The following LMF1 variants were observed in gnomAD, a reference collection of about 807,000 sequenced individuals.
The protein encoded by LMF1 is transmembrane protein 112.
In LMF1, 68 loss-of-function variants were observed where a neutral mutation model predicts 60.6. The observed-to-expected ratio is 1.12, with a 90% CI of 0.92 to 1.37. The LOEUF (loss-of-function observed/expected upper bound fraction) is 1.37. Among genes scored for constraint, LMF1 ranks in the 40% most tolerant of loss-of-function variants. The probability of loss-of-function intolerance (pLI) is 0.00; values close to 1 mark genes in which losing one functional copy is unlikely to be tolerated. For synonymous variants in LMF1, 418 were observed against 324.7 expected (o/e 1.29, Z -3.09); for missense variants, 948 against 767.2 (o/e 1.24, Z -2.78).
chr16:863,000 A>C (rs749730677), intron 10 of LMF1, among the ~76,000 whole-genome samples: 2 of 152,200 alleles, frequency 1.3e-5, no homozygotes, highest in Non-Finnish European at 2.9e-5. Context: ...TGACAAATTC[A>C]ATTTCTAGTT....
At chr16:892,162 C>T (rs2070507175) in intron 5 of LMF1, among the ~76,000 whole-genome samples, 1 of 152,242 alleles carries the variant, frequency 6.6e-6, no homozygotes. Flanking sequence ...CGGTGAGTGC[C>T]AGAGCAACCC....
intron 10 of LMF1, among the ~76,000 whole-genome samples, chr16:868,655 T>G (rs1264131293): frequency 6.6e-6 from 1 of 151,880 alleles, no homozygotes; most frequent in East Asian, 1.9e-4. Flanking sequence ...AACAAAGCTG[T>G]GAGCCGGGGT....
intron 3 of LMF1, chr16:933,867 C>G (rs2071862487): frequency 1.1e-6 from 1 of 935,982 alleles, no homozygotes; most frequent in South Asian, 1.6e-5. Flanking sequence ...AAGTGCCCAC[C>G]AGCGTGAGTG....
In LMF1 at chr16:953,424, C is replaced by T. The variant is rs1237360018; in HGVS notation, c.503+933G>A. Among the ~76,000 whole-genome samples the T allele has an allele frequency of 1.3e-3, 78 of 61,070 alleles. 12 individuals carry two copies. The highest frequency in any genetic ancestry group is 2.0e-3 in the Non-Finnish European group (52 of 26,188). The allele number at this position is 61,070 out of a possible 152,430, so 40.1% of individuals were successfully genotyped here. On this transcript the variant is annotated intron_variant, in intron 2 of 10. Coordinates refer to ENST00000262301, the MANE Select transcript of LMF1 (RefSeq NM_022773.4). ...ACCCACCCCAAACCAGCCTCCTACA[C>T]GTTCACACAGACACGGACCCCACAC...
chr16:954,269 C>T lies in LMF1; in HGVS notation c.503+88G>A, dbSNP rs1182903809. The T allele has an allele frequency of 8.4e-6, 11 of 1,306,390 alleles. No individual in the cohort carries two copies. The South Asian group carries it at 1.0e-4, about 12-fold the overall frequency. 80.9% of individuals were successfully genotyped at this position (1,306,390 alleles called of 1,614,324 possible). ...AAGGAATTTAAGATAAACGCTCGTC[C>T]AGTCTTTCCAAGTGCCAGGACACCT... On this transcript the variant is annotated intron_variant, in intron 2 of 10. Coordinates refer to ENST00000262301, the MANE Select transcript of LMF1 (RefSeq NM_022773.4).
rs138158337 is a variant in LMF1, at chr16:942,710, C to T, written c.504-8456G>A. Among the ~76,000 whole-genome samples, 1,397 of 140,390 alleles carry T rather than the reference C, an allele frequency of 1.0e-2. 25 individuals carry two copies. The highest frequency in any genetic ancestry group is 0.025 in the Middle Eastern group (7 of 282). The allele number at this position is 140,390 out of a possible 152,430, so 92.1% of individuals were successfully genotyped here. A position where few individuals can be genotyped will look rare whatever the true frequency, so the allele number is the denominator to read the frequency against. On this transcript the variant is annotated intron_variant, in intron 2 of 10. Transcript: ENST00000262301. ...TCCTCTCTCTGTGGGGCTCCAATCACATGTATGTTAGACCACCTAGTGCTA... is the reference window on the plus strand; with the variant it reads ...TCCTCTCTCTGTGGGGCTCCAATCATATGTATGTTAGACCACCTAGTGCTA...
intron 10 of LMF1, among the ~76,000 whole-genome samples, chr16:856,782 C>T (rs2069195515): frequency 1.3e-5 from 2 of 152,254 alleles, no homozygotes; most frequent in Non-Finnish European, 1.5e-5. Flanking sequence ...GGCCATGGCA[C>T]CGCCCCGGAG....
chr16:919,077 C>T (rs778999308), intron 3 of LMF1, among the ~76,000 whole-genome samples: 19 of 152,092 alleles, frequency 1.2e-4, no homozygotes, highest in Non-Finnish European at 2.5e-4. Context: ...GTCGGCATGT[C>T]GGCGTGGACT....
chr16:869,628 G>T, intron 9 of LMF1: 1 of 656,134 alleles, frequency 1.5e-6, no homozygotes, highest in Non-Finnish European at 2.8e-6. Context: ...TATGGCACCC[G>T]GGCTGGGATT....
At chr16:885,393 A>G (rs2070277816) in intron 5 of LMF1, among the ~76,000 whole-genome samples, 1 of 152,248 alleles carries the variant, frequency 6.6e-6, no homozygotes, top group Non-Finnish European at 1.5e-5. Flanking sequence ...CTTCCCCAGG[A>G]AAGACTGCAT....
intron 1 of LMF1, among the ~76,000 whole-genome samples, chr16:965,595 G>T (rs991824956): frequency 1.3e-5 from 2 of 152,216 alleles, no homozygotes; most frequent in African/African-American, 4.8e-5. Context: ...AGGGAAAGTG[G>T]CTTTGATGGA....
intron 2 of LMF1, among the ~76,000 whole-genome samples, chr16:940,549 T>C (rs576089468): frequency 2.0e-5 from 3 of 152,316 alleles, no homozygotes; most frequent in Non-Finnish European, 2.9e-5. Flanking sequence ...AACTTTAAAA[T>C]ATCAGTGTCA....
intron 1 of LMF1, among the ~76,000 whole-genome samples, chr16:977,908 C>T (rs2073199116): frequency 6.9e-6 from 1 of 145,874 alleles, no homozygotes; most frequent in Non-Finnish European, 1.5e-5. Context: ...ACTAAACACA[C>T]ACACCACACA....
intron 3 of LMF1, among the ~76,000 whole-genome samples, chr16:918,257 C>A (rs71380208): frequency 1.5e-4 from 23 of 152,310 alleles, no homozygotes; most frequent in Non-Finnish European, 1.0e-4. Flanking sequence ...GTGACCCCTG[C>A]GCCCGGCCGC....
At chr16:889,774 C>T (rs1381185784) in intron 5 of LMF1, among the ~76,000 whole-genome samples, 3 of 152,174 alleles carry the variant, frequency 2.0e-5, no homozygotes, top group Admixed American at 6.5e-5. Context: ...AGAGGATTCA[C>T]GCAGGGCCCT....
intron 2 of LMF1, among the ~76,000 whole-genome samples, chr16:948,500 A>G (rs2072316556): frequency 6.6e-6 from 1 of 151,464 alleles, no homozygotes; most frequent in Admixed American, 6.6e-5. Context: ...TGACAGAGTC[A>G]GCCAACGACA....
intron 3 of LMF1, among the ~76,000 whole-genome samples, chr16:918,480 C>G (rs917181475): frequency 1.3e-5 from 2 of 152,226 alleles, no homozygotes; most frequent in African/African-American, 4.8e-5. Context: ...TAATGTGTTC[C>G]AAGTATTTCA....
chr16:936,726 C>G (rs75332047), intron 2 of LMF1, among the ~76,000 whole-genome samples: 1,660 of 152,342 alleles, frequency 0.011, 21 homozygotes, highest in African/African-American at 0.037. Context: ...AATTTACCCC[C>G]AAAATGTTCC....
At chr16:945,729 C>G (rs548341802) in intron 2 of LMF1, among the ~76,000 whole-genome samples, 2 of 152,150 alleles carry the variant, frequency 1.3e-5, no homozygotes, top group African/African-American at 4.8e-5. Context: ...GGTCAGGAAT[C>G]TATTTGGAGA....
Sources: allele counts gnomAD v4.1 joint callset (sites outside exome capture counted in the v4.1 genomes callset), GRCh38; gene constraint gnomAD v4.1.1; transcripts MANE v1.5; gene names NCBI Gene and HGNC (gene_info 2026-07-23, HGNC 2026-07-21).